The following SV2B variants were observed in gnomAD, a reference collection of about 807,000 sequenced individuals.
The protein encoded by SV2B is solute carrier family 22 member B2.
In SV2B, 41 loss-of-function variants were observed where a neutral mutation model predicts 73.9. That is an observed-to-expected ratio of 0.56 (90% CI 0.43 to 0.72). The LOEUF (loss-of-function observed/expected upper bound fraction) is 0.72, where lower values mean the gene tolerates loss of function less well. Among genes scored for constraint, SV2B ranks in the 30% least tolerant of loss-of-function variants. The pLI, the probability that SV2B is intolerant of heterozygous loss-of-function variation, is 0.00. For synonymous variants in SV2B, 314 were observed against 314.2 expected, an observed-to-expected ratio of 1.00 and a Z score of 0.01; for missense variants, 764 against 857.8, an observed-to-expected ratio of 0.89 and a Z score of 1.37.
At position 91,162,844 on chromosome 15, in the gene SV2B, A is replaced by G. The variant is rs551528998; in HGVS notation, c.-392+62481A>G. On this transcript the variant is annotated intron_variant, in intron 1 of 12. Transcript: ENST00000394232. ...GTGCAGGTTTGTTACATATGTATAC[A>G]TGTGCCATGTTTGTGTGCTGCACCC... Among the ~76,000 whole-genome samples the G allele has an allele frequency of 1.2e-4, 19 of 152,256 alleles. 1 individual carries two copies. In the South Asian group the frequency reaches 3.9e-3, roughly 32 times the overall value.
At chr15:91,142,540 A>G (rs554049790) in intron 1 of SV2B, among the ~76,000 whole-genome samples, 13 of 152,350 alleles carry the variant, frequency 8.5e-5, no homozygotes, top group African/African-American at 3.1e-4. Flanking sequence ...TATTTAAGAA[A>G]TGATAAGATC....
Position 91,132,018 on chromosome 15 carries a change from A to T in SV2B, c.-392+31655A>T, listed in dbSNP as rs1317437621. Among the ~76,000 whole-genome samples, 1 of 152,196 alleles carries T rather than the reference A, an allele frequency of 6.6e-6. No homozygotes were observed. On this transcript the variant is annotated intron_variant, in intron 1 of 12. Transcript: ENST00000394232. This position sits in a 1 kb window ranked among gnomAD's most constrained non-coding sequence, Gnocchi z 4.6. The stretch of plus-strand genomic sequence containing the variant: ...AGCCAAGTGTGGTGATGTCACTGGT[A>T]GAGGGTCGTGACTGCAAGTTATTGA...
At chr15:91,206,326 G>A (rs543600159) in intron 1 of SV2B, among the ~76,000 whole-genome samples, 152 of 151,692 alleles carry the variant, frequency 1.0e-3, no homozygotes, top group African/African-American at 3.5e-3. Flanking sequence ...ACAGGCGTGA[G>A]CCACCGTGCC....
At position 91,252,081 on chromosome 15, in the gene SV2B, C is replaced by G; in HGVS notation, c.632+82C>G. On this transcript the variant is annotated intron_variant, in intron 3 of 12. Transcript: ENST00000394232. The surrounding 1 kb of genome is among the most constrained non-coding windows in gnomAD (Gnocchi z 4.6). ...GGTATTCTAGCTCCAAGAGGTAACT[C>G]TAGAAACCCTTGGACTGACTGAGTT... 6.5e-7 allele frequency: 1 copy of G among 1,526,900 alleles called. No individual in the cohort carries two copies. Among genetic ancestry groups the G allele is most frequent in the South Asian group, 1.3e-5 (1 of 79,472 alleles). The allele number at this position is 1,526,900 out of a possible 1,614,324, so 94.6% of individuals were successfully genotyped here. A position where few individuals can be genotyped will look rare whatever the true frequency, so the allele number is the denominator to read the frequency against.
chr15:91,180,964 G>T (rs1291307387), intron 1 of SV2B, among the ~76,000 whole-genome samples: 1 of 152,184 alleles, frequency 6.6e-6, no homozygotes, highest in Non-Finnish European at 1.5e-5. Flanking sequence ...AGGAGGAGAG[G>T]CGCTCTGCTT....
At chr15:91,162,085 C>G (rs2043740342) in intron 1 of SV2B, among the ~76,000 whole-genome samples, 1 of 152,116 alleles carries the variant, frequency 6.6e-6, no homozygotes, top group South Asian at 2.1e-4. Context: ...GGCACAGTTT[C>G]TAACATCTGA....
In SV2B at chr15:91,275,199, T is replaced by G. The variant is rs1476561134; in HGVS notation, c.1374-6529T>G. 2.0e-5 allele frequency among the ~76,000 whole-genome samples: 3 copies of G among 152,312 alleles called. No homozygotes were observed. In the East Asian group the frequency reaches 5.8e-4, roughly 29 times the overall value. On this transcript the variant is annotated intron_variant, in intron 9 of 12. Coordinates refer to ENST00000394232, the MANE Select transcript of SV2B (RefSeq NM_001323032.3). ...ATTTTCTATTTGTTTTGCATGTTTTTTGTTTTTTCTTTTCTCCCACCCTCT... is the reference window on the plus strand; with the variant it reads ...ATTTTCTATTTGTTTTGCATGTTTTGTGTTTTTTCTTTTCTCCCACCCTCT...
In SV2B at chr15:91,125,430, A is replaced by G. The variant is rs76820981; in HGVS notation, c.-392+25067A>G. Among the ~76,000 whole-genome samples, 687 of 152,230 alleles carry G rather than the reference A, an allele frequency of 4.5e-3. 3 individuals carry two copies. Among genetic ancestry groups the G allele is most frequent in the African/African-American group, 0.016 (649 of 41,528 alleles). On this transcript the variant is annotated intron_variant, in intron 1 of 12. Transcript: ENST00000394232. ...CAACGGTGATCCCAGCGGCCTTTGT[A>G]TGATCATCATTCTGCAGTCAGTGCA...
rs1426929770 is a variant in SV2B, at chr15:91,268,716, C to G, written c.1373+111C>G. On this transcript the variant is annotated intron_variant, in intron 9 of 12. Coordinates refer to ENST00000394232, the MANE Select transcript of SV2B (RefSeq NM_001323032.3). The surrounding 1 kb of genome is among the most constrained non-coding windows in gnomAD (Gnocchi z 4.4). The stretch of plus-strand genomic sequence containing the variant: ...ATCAAATATGGCCGGGAATGAGCGC[C>G]AAGGCTGGTGTCATCATCACAACCT... 7 of 1,387,940 alleles carry G rather than the reference C, an allele frequency of 5.0e-6. No individual in the cohort carries two copies. Among genetic ancestry groups the G allele is most frequent in the Non-Finnish European group, 6.8e-6 (7 of 1,027,728 alleles). The allele number at this position is 1,387,940 out of a possible 1,614,324, so 86.0% of individuals were successfully genotyped here.
At chr15:91,168,523 C>T (rs969201221) in intron 1 of SV2B, among the ~76,000 whole-genome samples, 5 of 152,124 alleles carry the variant, frequency 3.3e-5, no homozygotes, top group Non-Finnish European at 7.4e-5. Flanking sequence ...GGATACCTCC[C>T]ACATCCTATG....
intron 1 of SV2B, among the ~76,000 whole-genome samples, chr15:91,158,483 CGGAGTGACCAGTTA>C (rs2043566341): frequency 6.6e-6 from 1 of 151,534 alleles, no homozygotes; most frequent in African/African-American, 2.4e-5. Context: ...ATCCAGGAAG[CGGAGTGACCAGTTA>C]GGATGCTGTT....
In SV2B at chr15:91,241,476, C is replaced by T. The variant is rs2047011623; in HGVS notation, c.452-10343C>T. ...GCTGCCAGCCATCATCCTTCATTTCCCTCATCCCTTCACACTCTCCTTGAT... is the reference window on the plus strand; with the variant it reads ...GCTGCCAGCCATCATCCTTCATTTCTCTCATCCCTTCACACTCTCCTTGAT... On this transcript the variant is annotated intron_variant, in intron 2 of 12. Transcript: ENST00000394232. The surrounding 1 kb of genome is among the most constrained non-coding windows in gnomAD (Gnocchi z 4.8). Among the ~76,000 whole-genome samples, 1 of 151,958 alleles carries T rather than the reference C, an allele frequency of 6.6e-6. No homozygotes were observed. The highest frequency in any genetic ancestry group is 2.4e-5 in the African/African-American group (1 of 41,374).
intron 1 of SV2B, among the ~76,000 whole-genome samples, chr15:91,172,399 C>T (rs114504948): frequency 1.7e-4 from 26 of 152,344 alleles, no homozygotes; most frequent in African/African-American, 6.3e-4. Context: ...ACGGGGCCTA[C>T]TGAGATACAG....
chr15:91,286,651 AACATGTGTTCAATATTAAC>A (rs1032307634), intron 11 of SV2B, among the ~76,000 whole-genome samples: 1 of 152,178 alleles, frequency 6.6e-6, no homozygotes, highest in African/African-American at 2.4e-5. Context: ...ATGAATATTG[AACATGTGTTCAATATTAAC>A]ACATGGAACC....
intron 1 of SV2B, among the ~76,000 whole-genome samples, chr15:91,205,617 C>T (rs547655243): frequency 8.5e-5 from 13 of 152,138 alleles, no homozygotes; most frequent in East Asian, 5.8e-4. Context: ...CCACCCACCT[C>T]GGCCTCCCAA....
At chr15:91,152,147 T>G (rs1367701271) in intron 1 of SV2B, among the ~76,000 whole-genome samples, 2 of 149,634 alleles carry the variant, frequency 1.3e-5, no homozygotes, top group Non-Finnish European at 3.0e-5. Flanking sequence ...GCTTCCACAG[T>G]GTGGAAGGGG....
At position 91,234,853 on chromosome 15, in the gene SV2B, T is replaced by C. The variant is rs2046718014; in HGVS notation, c.451+8139T>C. On this transcript the variant is annotated intron_variant, in intron 2 of 12. Coordinates refer to ENST00000394232, the MANE Select transcript of SV2B (RefSeq NM_001323032.3). The surrounding 1 kb of genome is among the most constrained non-coding windows in gnomAD (Gnocchi z 5.6). ...TGACTGTGCATTGGGGAAAGGAAAATAGTCAGACCTTTTGAAGATACTTGC... is the reference window on the plus strand; with the variant it reads ...TGACTGTGCATTGGGGAAAGGAAAACAGTCAGACCTTTTGAAGATACTTGC... Among the ~76,000 whole-genome samples, 1 of 152,142 alleles carries C rather than the reference T, an allele frequency of 6.6e-6. No homozygotes were observed. Among genetic ancestry groups the C allele is most frequent in the Non-Finnish European group, 1.5e-5 (1 of 68,012 alleles).
chr15:91,250,104 A>G (rs1001651249), intron 2 of SV2B, among the ~76,000 whole-genome samples: 2 of 152,020 alleles, frequency 1.3e-5, no homozygotes, highest in Non-Finnish European at 2.9e-5. Context: ...ACACAGATGC[A>G]ATAATCTTCT....
rs1048252500 is a variant in SV2B, at chr15:91,290,076, C to A, written c.1868+396C>A. ...AAGGAGAGAAATAAAGGTCGGGAGG[C>A]AGCATGAAGTCCAGGGAATCTGCAG... is the stretch of plus-strand genomic sequence containing the variant. On this transcript the variant is annotated intron_variant, in intron 12 of 12. Transcript: ENST00000394232. This position sits in a 1 kb window ranked among gnomAD's most constrained non-coding sequence, Gnocchi z 4.7. Among the ~76,000 whole-genome samples the A allele has an allele frequency of 6.6e-6, 1 of 152,146 alleles. No homozygotes were observed. Among genetic ancestry groups the A allele is most frequent in the Non-Finnish European group, 1.5e-5 (1 of 68,026 alleles).
Sources: gnomAD v4.1 joint callset for allele counts (sites outside exome capture counted in the v4.1 genomes callset) on GRCh38, gnomAD v4.1.1 for gene constraint, Gnocchi (gnomAD v3.1) non-coding constraint, MANE v1.5 for transcripts, NCBI Gene and HGNC (gene_info 2026-07-23, HGNC 2026-07-21) for gene names.